Variants in TET2 observed in about 807,000 individuals in gnomAD.
The protein encoded by TET2 is tet methylcytosine dioxygenase 2, also known as methylcytosine dioxygenase TET2.
TET2 carries 299 observed loss-of-function variants against 142.9 expected under a neutral mutation model. The ratio of observed to expected loss-of-function variants is 2.09; its 90% CI spans 1.90 to 2.30. TET2 has a LOEUF of 2.30. TET2 is among the 30% of genes most tolerant of loss of function. The probability of loss-of-function intolerance (pLI) is 0.00; values close to 1 mark genes in which losing one functional copy is unlikely to be tolerated. For missense variants in TET2, 2,418 were observed against 2,378.0 expected (o/e 1.02, Z -0.35); for synonymous variants, 819 against 849.0 (o/e 0.96, Z 0.61).
chr4:105,228,143 G>A lies in TET2; in HGVS notation c.-46-5754G>A, dbSNP rs184123454. 3.8e-3 allele frequency among the ~76,000 whole-genome samples: 580 copies of A among 152,080 alleles called. 1 individual carries two copies. The highest frequency in any genetic ancestry group is 6.9e-3 in the Non-Finnish European group (471 of 67,922). On this transcript the variant is annotated intron_variant, in intron 2 of 10. Transcript: ENST00000380013. ...GGTTACTGGATCATAATATTCCAGG[G>A]TATGTATATAAAAAGTGTGATTTAG...
At chr4:105,201,375 G>A (rs987356570) in intron 2 of TET2, among the ~76,000 whole-genome samples, 5 of 152,150 alleles carry the variant, frequency 3.3e-5, no homozygotes, top group Admixed American at 2.0e-4. Flanking sequence ...TTCCTAAAAA[G>A]TTTAAGGAAA....
intron 9 of TET2, 86 bp from the exon 10 acceptor site, chr4:105,272,478 A>G: frequency 1.1e-6 from 1 of 906,020 alleles, no homozygotes; most frequent in East Asian, 2.7e-5. Flanking sequence ...ACAAATCTGA[A>G]TACTGAGAGG....
intron 2 of TET2, among the ~76,000 whole-genome samples, chr4:105,223,466 A>G (rs1181557401): frequency 6.6e-6 from 1 of 152,158 alleles, no homozygotes; most frequent in East Asian, 1.9e-4. Context: ...AGACTTGGCA[A>G]CCATACCAAT....
chr4:105,256,619 T>C (rs1382505131), intron 6 of TET2, among the ~76,000 whole-genome samples: 1 of 152,224 alleles, frequency 6.6e-6, no homozygotes. Flanking sequence ...TTCTTGGACA[T>C]GTAGATTGAT....
intron 1 of TET2, among the ~76,000 whole-genome samples, chr4:105,159,379 C>T (rs897460148): frequency 6.6e-6 from 1 of 151,770 alleles, no homozygotes; most frequent in African/African-American, 2.4e-5. Context: ...CCTCAGACAC[C>T]CAAGTAGCTG....
chr4:105,160,095 A>C (rs1258672242), intron 1 of TET2, among the ~76,000 whole-genome samples: 1 of 152,180 alleles, frequency 6.6e-6, no homozygotes, highest in Non-Finnish European at 1.5e-5. Flanking sequence ...ACCAGAAAAC[A>C]CTCAAGAAAA....
intron 1 of TET2, among the ~76,000 whole-genome samples, chr4:105,156,831 C>T (rs1723591008): frequency 6.6e-6 from 1 of 152,196 alleles, no homozygotes; most frequent in African/African-American, 2.4e-5. Flanking sequence ...AATGAGACCA[C>T]ACCCAGATTC....
At chr4:105,202,377 G>A (rs1726535587) in intron 2 of TET2, 1 of 152,124 alleles carries the variant, frequency 6.6e-6, no homozygotes, top group Non-Finnish European at 1.5e-5. Context: ...TGAGATGTGA[G>A]ATGACTGCTG....
intron 9 of TET2, 73 bp downstream of exon 9, chr4:105,269,820 C>T (rs1730864927): frequency 1.4e-6 from 2 of 1,475,460 alleles, no homozygotes; most frequent in Non-Finnish European, 9.2e-7. Flanking sequence ...ATATGCAAGA[C>T]TGGGTAATTT....
At chr4:105,172,667 C>T (rs1253631746) in intron 1 of TET2, 1 of 152,098 alleles carries the variant, frequency 6.6e-6, no homozygotes, top group Non-Finnish European at 1.5e-5. Context: ...GTGTTCCATT[C>T]AAATGCCTGT....
Position 105,276,592 on chromosome 4 carries a change from C to A in TET2, c.*73C>A. The A allele has an allele frequency of 6.9e-7, 1 of 1,447,938 alleles. No homozygotes were observed. The highest frequency in any genetic ancestry group is 9.2e-7 in the Non-Finnish European group (1 of 1,086,402). 89.7% of individuals were successfully genotyped at this position (1,447,938 alleles called of 1,614,324 possible). ...CCTGTCAGTAGTATAGTTCTCATGA[C>A]GTGGGCAGTGGGGAAAGGTCACAGT... On this transcript the variant is annotated 3_prime_UTR_variant, in exon 11 of 11. Coordinates refer to ENST00000380013, the MANE Select transcript of TET2 (RefSeq NM_001127208.3).
rs1165507715 is a variant in TET2, at chr4:105,192,325, T to C, written c.-47+1820T>C. Among the ~76,000 whole-genome samples, 3 of 152,318 alleles carry C rather than the reference T, an allele frequency of 2.0e-5. No homozygotes were observed. In the East Asian group the frequency reaches 5.8e-4, roughly 29 times the overall value. ...AAAATCTTGTTTTGCATTTAATTTT[T>C]TACAGTTGGATAAGCTCAGCCCTTG... On this transcript the variant is annotated intron_variant, in intron 2 of 10. Coordinates refer to ENST00000380013, the MANE Select transcript of TET2 (RefSeq NM_001127208.3).
rs1378371420 is a variant in TET2, at chr4:105,235,277, T to C, written c.1335T>C (p.Leu445=). Reference sequence around the variant, plus strand: ...ACCCCAACCAAAGTAACACAACACTTTTAAGGGAAGTGAAAATAGAGGGTA... The same window carrying C: ...ACCCCAACCAAAGTAACACAACACTCTTAAGGGAAGTGAAAATAGAGGGTA... ...HHYPNQSNTT[L]LREVKIEGKP... The change falls in exon 3 of 11, where the codon CTT becomes CTC. Residue 445 remains leucine (L), a synonymous_variant. Transcript: ENST00000380013. 2.5e-6 allele frequency: 4 copies of C among 1,613,922 alleles called. No homozygotes were observed. In the East Asian group the frequency reaches 8.9e-5, roughly 36 times the overall value.
chr4:105,180,851 C>G (rs1362028196), intron 1 of TET2, among the ~76,000 whole-genome samples: 1 of 152,144 alleles, frequency 6.6e-6, no homozygotes. Flanking sequence ...GTTGGCCAGA[C>G]TGGTCTTGAA....
chr4:105,236,834 A>G lies in TET2; in HGVS notation c.2892A>G (p.Gln964=). Residue 964 remains glutamine (Q), a synonymous_variant, in exon 3 of 11, where the codon CAA becomes CAG. Coordinates refer to ENST00000380013, the MANE Select transcript of TET2 (RefSeq NM_001127208.3). ...WHLLQKQEQQ[Q]TQQPQTESCH... ...TCTTACAGAAGCAAGAACAGCAGCAAACACAGCAACCCCAAACTGAGTCTT... is the reference window on the plus strand; with the variant it reads ...TCTTACAGAAGCAAGAACAGCAGCAGACACAGCAACCCCAAACTGAGTCTT... 1 of 1,614,150 alleles carries G rather than the reference A, an allele frequency of 6.2e-7. No individual in the cohort carries two copies. The highest frequency in any genetic ancestry group is 2.2e-5 in the East Asian group (1 of 44,876).
chr4:105,234,337 A>G lies in TET2; in HGVS notation c.395A>G (p.Asn132Ser). ...RRNFGVSQER[N>S]PGESSQPNVS... ...AACTTCGGGGTAAGCCAAGAAAGAA[A>G]TCCAGGTGAAAGCAGTCAACCAAAT... Residue 132 changes from asparagine (N) to serine (S), a missense_variant, in exon 3 of 11, where the codon AAT (asparagine) becomes AGT (serine). Transcript: ENST00000380013. The G allele has an allele frequency of 2.5e-6, 4 of 1,614,114 alleles. No individual in the cohort carries two copies. Among genetic ancestry groups the G allele is most frequent in the African/African-American group, 1.3e-5 (1 of 75,052 alleles).
chr4:105,261,773 GTC>G lies in TET2; in HGVS notation c.3972_3973del (p.His1325PhefsTer13). The G allele has an allele frequency of 1.3e-6, 2 of 1,546,826 alleles. No homozygotes were observed. Among genetic ancestry groups the G allele is most frequent in the Non-Finnish European group, 1.7e-6 (2 of 1,143,438 alleles). On this transcript the variant is annotated frameshift_variant, in exon 8 of 11. Coordinates refer to ENST00000380013, the MANE Select transcript of TET2 (RefSeq NM_001127208.3). LOFTEE classifies it high-confidence loss of function. ...DDPKEEEKLE[S>X]HLQNLSTLMA... ...ACTTTATACAGGAAGAGAAACTGGAGTCTCATTTGCAAAACCTGTCCACTCTT... is the reference window on the plus strand; with the variant it reads ...ACTTTATACAGGAAGAGAAACTGGAGTCATTTGCAAAACCTGTCCACTCTT...
At chr4:105,166,665 A>G (rs10022109) in intron 1 of TET2, among the ~76,000 whole-genome samples, 31,512 of 151,880 alleles carry the variant, frequency 0.21, 4,262 homozygotes, top group East Asian at 0.62. Context: ...GAGTCTTTAC[A>G]TGTCCAAAAT....
chr4:105,185,943 A>G (rs1003315851), intron 1 of TET2, among the ~76,000 whole-genome samples: 5 of 151,882 alleles, frequency 3.3e-5, no homozygotes, highest in Non-Finnish European at 7.4e-5. Context: ...AAATGTAGAT[A>G]TGGCTGGGCG....
Sources: allele counts gnomAD v4.1 joint callset (sites outside exome capture counted in the v4.1 genomes callset), GRCh38; gene constraint gnomAD v4.1.1; transcripts MANE v1.5; gene names NCBI Gene and HGNC (gene_info 2026-07-23, HGNC 2026-07-21).